The following NRG1 variants were observed in gnomAD, a reference collection of about 807,000 sequenced individuals.
The protein encoded by NRG1 is neuregulin 1.
A neutral mutation model predicts 63.8 loss-of-function variants in NRG1; 18 were observed. That is an observed-to-expected ratio of 0.28 (90% CI 0.19 to 0.42). The LOEUF is 0.42. Ranked by LOEUF, NRG1 falls within the 10% of genes least tolerant of loss-of-function variation. The probability of loss-of-function intolerance (pLI) is 1.00; values close to 1 mark genes in which losing one functional copy is unlikely to be tolerated. For synonymous variants in NRG1, 302 were observed against 301.3 expected (o/e 1.00, Z -0.02); for missense variants, 762 against 814.7 (o/e 0.94, Z 0.79).
intron 1 of NRG1, among the ~76,000 whole-genome samples, chr8:31,863,148 C>G (rs1252511210): frequency 6.6e-6 from 1 of 152,110 alleles, no homozygotes; most frequent in African/African-American, 2.4e-5. Flanking sequence ...ACTCAGTGCC[C>G]CTGGTACATA....
At chr8:31,957,353 A>G (rs957725499) in intron 1 of NRG1, among the ~76,000 whole-genome samples, 2 of 152,138 alleles carry the variant, frequency 1.3e-5, no homozygotes, top group African/African-American at 4.8e-5. Context: ...ATTAAAATGC[A>G]GTCCAGAAAA....
At chr8:31,709,129 A>G (rs1038188753) in intron 1 of NRG1, among the ~76,000 whole-genome samples, 4 of 151,898 alleles carry the variant, frequency 2.6e-5, no homozygotes, top group African/African-American at 9.7e-5. Context: ...CATGTTGTTC[A>G]AGGTTCAACT....
chr8:32,442,621 TA>T (rs1172052442), intron 1 of NRG1: 1 of 152,222 alleles, frequency 6.6e-6, no homozygotes, highest in African/African-American at 2.4e-5. Flanking sequence ...TGCCATTTCA[TA>T]AAGCCTGTGA....
At chr8:32,603,569 C>G (rs1844739982) in intron 2 of NRG1, among the ~76,000 whole-genome samples, 1 of 151,910 alleles carries the variant, frequency 6.6e-6, no homozygotes, top group Non-Finnish European at 1.5e-5. Flanking sequence ...CCTCTGCCTC[C>G]CGGATTCAAA....
intron 3 of NRG1, among the ~76,000 whole-genome samples, chr8:32,608,176 G>A (rs1051708632): frequency 6.5e-5 from 9 of 138,002 alleles, no homozygotes; most frequent in African/African-American, 2.2e-4. Flanking sequence ...TTTTTTGTGT[G>A]TGTTTTCTTT....
chr8:31,832,351 C>T (rs1273655838), intron 1 of NRG1, among the ~76,000 whole-genome samples: 1 of 151,788 alleles, frequency 6.6e-6, no homozygotes, highest in Non-Finnish European at 1.5e-5. Context: ...CTCCAACTCC[C>T]CATGCTCAGG....
At chr8:32,156,030 C>T (rs552434529) in intron 1 of NRG1, among the ~76,000 whole-genome samples, 212 of 152,272 alleles carry the variant, frequency 1.4e-3, no homozygotes, top group African/African-American at 4.9e-3. Context: ...TTGGCAATGT[C>T]ACCCCACTGA....
chr8:32,486,831 G>A (rs762732879), intron 1 of NRG1, among the ~76,000 whole-genome samples: 92 of 152,046 alleles, frequency 6.1e-4, no homozygotes, highest in Non-Finnish European at 1.2e-3. Flanking sequence ...CGCCATGTTG[G>A]CCAGGCTGGT....
At chr8:31,983,722 A>T (rs1245058368) in intron 1 of NRG1, among the ~76,000 whole-genome samples, 1 of 152,024 alleles carries the variant, frequency 6.6e-6, no homozygotes, top group Non-Finnish European at 1.5e-5. Flanking sequence ...TAAACAGGAG[A>T]GCAGGCAGTG....
intron 1 of NRG1, among the ~76,000 whole-genome samples, chr8:31,643,098 A>AAG (rs144175051): frequency 7.9e-5 from 12 of 151,488 alleles, no homozygotes; most frequent in South Asian, 4.2e-4. Flanking sequence ...AAAAATGGAA[A>AAG]AGAGAGAGAG....
chr8:31,983,160 C>A (rs1028760568), intron 1 of NRG1, among the ~76,000 whole-genome samples: 2 of 152,092 alleles, frequency 1.3e-5, no homozygotes, highest in African/African-American at 4.8e-5. Context: ...TCATATATAT[C>A]ATAGCCCTTG....
At chr8:31,960,221 T>C (rs940039201) in intron 1 of NRG1, among the ~76,000 whole-genome samples, 7 of 152,176 alleles carry the variant, frequency 4.6e-5, no homozygotes, top group Non-Finnish European at 8.8e-5. Flanking sequence ...ATCCATTAAG[T>C]CTCATTGTCT....
At chr8:31,944,176 A>C (rs573610284) in intron 1 of NRG1, among the ~76,000 whole-genome samples, 1 of 152,324 alleles carries the variant, frequency 6.6e-6, no homozygotes, top group African/African-American at 2.4e-5. Flanking sequence ...GAGTTCGCAG[A>C]ATAACCATGA....
At chr8:32,390,843 A>G (rs1587316042) in intron 1 of NRG1, among the ~76,000 whole-genome samples, 1 of 152,246 alleles carries the variant, frequency 6.6e-6, no homozygotes, top group Middle Eastern at 3.4e-3. Flanking sequence ...GCTGGACCTG[A>G]CTAAGCACCA....
In NRG1 at chr8:32,742,841, T is replaced by C; in HGVS notation, c.691+108T>C. 1 of 1,605,616 alleles carries C rather than the reference T, an allele frequency of 6.2e-7. No homozygotes were observed. The highest frequency in any genetic ancestry group is 8.5e-7 in the Non-Finnish European group (1 of 1,174,406). On this transcript the variant is annotated intron_variant, in intron 7 of 11. Coordinates refer to ENST00000356819, the Ensembl canonical transcript of NRG1. This position sits in a 1 kb window ranked among gnomAD's most constrained non-coding sequence, Gnocchi z 4.2. ...GATTCCACCTAGAGCTAGATGTGTCTTACCAGATCTAATATTGACTGCCTC... is the reference window on the plus strand; with the variant it reads ...GATTCCACCTAGAGCTAGATGTGTCCTACCAGATCTAATATTGACTGCCTC...
intron 1 of NRG1, among the ~76,000 whole-genome samples, chr8:31,665,961 G>T (rs767145535): frequency 5.3e-5 from 8 of 151,366 alleles, no homozygotes; most frequent in Non-Finnish European, 1.0e-4. Context: ...TCTTTTTGCC[G>T]TTTGGGAACA....
At chr8:32,023,639 A>T (rs1466213222) in intron 1 of NRG1, among the ~76,000 whole-genome samples, 2 of 152,078 alleles carry the variant, frequency 1.3e-5, no homozygotes, top group African/African-American at 4.8e-5. Context: ...GGTTAAGGAG[A>T]GGGAAGTGGT....
At chr8:32,316,549 C>T (rs376910126) in intron 1 of NRG1, among the ~76,000 whole-genome samples, 7 of 151,798 alleles carry the variant, frequency 4.6e-5, no homozygotes, top group South Asian at 2.1e-4. Context: ...ATACTTGTGC[C>T]GGGAAGCAAA....
At chr8:31,682,531 T>C (rs545745821) in intron 1 of NRG1, among the ~76,000 whole-genome samples, 1 of 152,292 alleles carries the variant, frequency 6.6e-6, no homozygotes, top group East Asian at 1.9e-4. Flanking sequence ...GTTTTGATAT[T>C]GTACTGTAAT....
Sources: gnomAD v4.1 joint callset for allele counts (sites outside exome capture counted in the v4.1 genomes callset) on GRCh38, gnomAD v4.1.1 for gene constraint, Gnocchi (gnomAD v3.1) non-coding constraint, MANE v1.5 for transcripts, NCBI Gene and HGNC (gene_info 2026-07-23, HGNC 2026-07-21) for gene names.